PSMA6: variants seen among roughly 807,000 people sequenced by gnomAD.
PSMA6 encodes proteasome subunit alpha type-6.
For missense variants in PSMA6, 170 were observed against 294.8 expected (o/e 0.58, Z 3.10); for synonymous variants, 88 against 97.7 (o/e 0.90, Z 0.59).
In PSMA6 at chr14:35,292,423, G is replaced by A. The variant is rs1446864845; in HGVS notation, c.-54G>A. On this transcript the variant is annotated 5_prime_UTR_variant, in exon 1 of 7. Transcript: ENST00000261479. The stretch of plus-strand genomic sequence containing the variant: ...ACTTCCGGGAGGTGCTTGTGTGCCT[G>A]GTGCGGGAGCTACGGGGCCCAGGGA... The A allele has an allele frequency of 3.2e-6, 5 of 1,581,276 alleles. No homozygotes were observed. Among genetic ancestry groups the A allele is most frequent in the Non-Finnish European group, 4.3e-6 (5 of 1,164,602 alleles).
intron 1 of PSMA6, among the ~76,000 whole-genome samples, chr14:35,295,944 CCTTCT>C (rs1025801212): frequency 6.6e-6 from 1 of 151,946 alleles, no homozygotes; most frequent in Non-Finnish European, 1.5e-5. Flanking sequence ...ACTTGTAGGC[CCTTCT>C]CTTCTGTTTG....
rs1196500576 is a variant in PSMA6 at position 35,305,128 on chromosome 14, ATTTCT to A, written c.77-2857_77-2853del. ...AGTTAAATCCAAGCCATATTTGAAG[ATTTCT>A]TTTCTTTTGTTTCTTTTTTTTTTTT... On this transcript the variant is annotated intron_variant, in intron 1 of 6. Transcript: ENST00000261479. Among the ~76,000 whole-genome samples, 7 of 149,348 alleles carry A rather than the reference ATTTCT, an allele frequency of 4.7e-5. No individual in the cohort carries two copies. In the South Asian group the frequency reaches 8.5e-4, roughly 18 times the overall value.
intron 1 of PSMA6, among the ~76,000 whole-genome samples, chr14:35,287,022 C>A (rs1267774058): frequency 6.6e-6 from 1 of 152,132 alleles, no homozygotes; most frequent in Admixed American, 6.6e-5. Flanking sequence ...TTTCCTTTAC[C>A]CATAAATTAT....
chr14:35,281,303 A>G (rs2051364087), intron 1 of PSMA6, among the ~76,000 whole-genome samples: 1 of 152,158 alleles, frequency 6.6e-6, no homozygotes, highest in Admixed American at 6.5e-5. Context: ...TGAAATTCCC[A>G]TTAATTTCCT....
At chr14:35,312,371 G>T (rs201900503) in intron 4 of PSMA6, among the ~76,000 whole-genome samples, 1 of 151,926 alleles carries the variant, frequency 6.6e-6, no homozygotes, top group East Asian at 1.9e-4. Context: ...GCTGGGCGTG[G>T]TGGTGGGCAC....
chr14:35,304,726 CA>C (rs34824477), intron 1 of PSMA6, among the ~76,000 whole-genome samples: 15,485 of 123,982 alleles, frequency 0.12, 988 homozygotes, highest in Admixed American at 0.2. Flanking sequence ...AACTCCATCT[CA>C]AAAAAAAAAA....
At chr14:35,310,284 G>T (rs185634378) in intron 3 of PSMA6, 1 of 419,548 alleles carries the variant, frequency 2.4e-6, no homozygotes, top group South Asian at 1.7e-5. Flanking sequence ...AACCTCCCAG[G>T]TAGCTGGGAC....
intron 1 of PSMA6, among the ~76,000 whole-genome samples, chr14:35,297,299 T>C (rs2051615246): frequency 6.6e-6 from 1 of 151,976 alleles, no homozygotes; most frequent in African/African-American, 2.4e-5. Flanking sequence ...CACTGCAAAC[T>C]CCGCCTCCTG....
chr14:35,299,886 G>T (rs2138728311), intron 1 of PSMA6, among the ~76,000 whole-genome samples: 2 of 152,222 alleles, frequency 1.3e-5, no homozygotes, highest in South Asian at 4.1e-4. Context: ...TATAAAAAAG[G>T]TATTACAGGA....
chr14:35,290,295 A>G (rs923199091), upstream of PSMA6, among the ~76,000 whole-genome samples: 1 of 152,124 alleles, frequency 6.6e-6, no homozygotes, highest in African/African-American at 2.4e-5. Context: ...GGCAAACAGT[A>G]GGAATTACAG....
At chr14:35,291,282 A>T (rs1301541939), upstream of PSMA6, among the ~76,000 whole-genome samples, 1 of 149,154 alleles carries the variant, frequency 6.7e-6, no homozygotes, top group East Asian at 2.0e-4. Flanking sequence ...CAGTGGCATG[A>T]TCTCGGCTCA....
At chr14:35,284,886 TG>T (rs2051404177) in intron 1 of PSMA6, among the ~76,000 whole-genome samples, 1 of 152,218 alleles carries the variant, frequency 6.6e-6, no homozygotes, top group Admixed American at 6.5e-5. Flanking sequence ...GCTATGTACT[TG>T]TAAGACATCA....
upstream of PSMA6, among the ~76,000 whole-genome samples, chr14:35,291,756 G>A (rs1022932193): frequency 2.0e-5 from 3 of 150,216 alleles, no homozygotes; most frequent in Non-Finnish European, 2.9e-5. Flanking sequence ...TCAGGAGGGG[G>A]AGGTTGCAGT....
intron 1 of PSMA6, among the ~76,000 whole-genome samples, chr14:35,301,837 A>C: frequency 6.6e-6 from 1 of 152,210 alleles, no homozygotes; most frequent in Non-Finnish European, 1.5e-5. Context: ...ATAAGCATGT[A>C]TTCATTTATT....
At chr14:35,296,278 A>G (rs967404212) in intron 1 of PSMA6, among the ~76,000 whole-genome samples, 5 of 152,108 alleles carry the variant, frequency 3.3e-5, no homozygotes, top group Admixed American at 3.3e-4. Context: ...AGCATTTAAA[A>G]CATTGCCCGG....
At chr14:35,289,694 A>G, upstream of PSMA6, among the ~76,000 whole-genome samples, 1 of 152,122 alleles carries the variant, frequency 6.6e-6, no homozygotes, top group East Asian at 1.9e-4. Flanking sequence ...CTAAGGCCAA[A>G]GGATCCCTTG....
At chr14:35,285,480 C>G (rs1566548174) in intron 1 of PSMA6, among the ~76,000 whole-genome samples, 3 of 152,108 alleles carry the variant, frequency 2.0e-5, no homozygotes, top group South Asian at 2.1e-4. Flanking sequence ...TTTGCATTTT[C>G]TCTCTCCCTC....
chr14:35,279,463 A>G (rs951987617), intron 1 of PSMA6, among the ~76,000 whole-genome samples: 1 of 152,240 alleles, frequency 6.6e-6, no homozygotes, highest in Admixed American at 6.5e-5. Context: ...ACAAACTGCT[A>G]CTCAAGGCTT....
Position 35,301,871 on chromosome 14 carries a change from A to G in PSMA6, c.77-6123A>G, listed in dbSNP as rs577216595. Among the ~76,000 whole-genome samples the G allele has an allele frequency of 1.3e-4, 20 of 152,354 alleles. No individual in the cohort carries two copies. In the South Asian group the frequency reaches 3.3e-3, roughly 25 times the overall value. On this transcript the variant is annotated intron_variant, in intron 1 of 6. Coordinates refer to ENST00000261479, the MANE Select transcript of PSMA6 (RefSeq NM_002791.3). ...TTTAGTTCAGGGATGACAGACACAA[A>G]TGCTTACACAGACCAGATAAGTAAT...
Sources: allele counts gnomAD v4.1 joint callset (sites outside exome capture counted in the v4.1 genomes callset), GRCh38; gene constraint gnomAD v4.1.1; transcripts MANE v1.5; gene names NCBI Gene and HGNC (gene_info 2026-07-23, HGNC 2026-07-21).